Variants in FABP7 observed in about 807,000 individuals in gnomAD.
FABP7 encodes the protein fatty acid binding protein 7.
FABP7 carries 13 observed loss-of-function variants against 14.2 expected under a neutral mutation model. The ratio of observed to expected loss-of-function variants is 0.91; its 90% CI spans 0.59 to 1.45. The LOEUF (loss-of-function observed/expected upper bound fraction) is 1.45, where lower values mean the gene tolerates loss of function less well. FABP7 is among the 40% of genes most tolerant of loss of function. FABP7 has a pLI of 0.00. For missense variants in FABP7, 149 were observed against 157.6 expected, an observed-to-expected ratio of 0.95 and a Z score of 0.29; for synonymous variants, 49 against 51.4, an observed-to-expected ratio of 0.95 and a Z score of 0.20.
At chr6:122,753,659 G>A in the FABP7 span, among the ~76,000 whole-genome samples, 3 of 152,002 alleles carry the variant, frequency 2.0e-5, no homozygotes, top group African/African-American at 7.3e-5. Flanking sequence ...CAAAACGAAG[G>A]AATGAAGCAA....
chr6:122,780,141 AC>A, intron 1 of FABP7, 149 bp from the exon 2 acceptor site: 1 of 869,900 alleles, frequency 1.1e-6, no homozygotes, highest in South Asian at 1.6e-5. Context: ...ACTTATTATC[AC>A]AGTAGTGTTT....
chr6:122,758,100 T>C, the FABP7 span, among the ~76,000 whole-genome samples: 1 of 133,514 alleles, frequency 7.5e-6, no homozygotes, highest in Non-Finnish European at 1.6e-5. Flanking sequence ...AATTATATTA[T>C]CTAGCTTTTT....
chr6:122,767,527 C>G, the FABP7 span, among the ~76,000 whole-genome samples: 1 of 152,056 alleles, frequency 6.6e-6, no homozygotes, highest in Non-Finnish European at 1.5e-5. Context: ...AAATTATTAT[C>G]TACATATTCA....
chr6:122,762,141 A>G, the FABP7 span, among the ~76,000 whole-genome samples: 17 of 152,348 alleles, frequency 1.1e-4, no homozygotes, highest in African/African-American at 3.8e-4. Context: ...AAAATCCTCA[A>G]TAAAATACTG....
At chr6:122,773,079 G>A in the FABP7 span, among the ~76,000 whole-genome samples, 1 of 152,114 alleles carries the variant, frequency 6.6e-6, no homozygotes, top group African/African-American at 2.4e-5. Context: ...TTTATCAGAG[G>A]AATTCAGAAG....
At chr6:122,768,823 G>A in the FABP7 span, among the ~76,000 whole-genome samples, 4 of 151,980 alleles carry the variant, frequency 2.6e-5, no homozygotes, top group African/African-American at 9.7e-5. Context: ...CTGAGGTCAT[G>A]GATTAACAGG....
intron 3 of FABP7, chr6:122,782,348 C>T: frequency 2.0e-6 from 1 of 504,756 alleles, no homozygotes. Flanking sequence ...TGCGGGCCCC[C>T]TCCCTTGCTT....
Position 122,781,206 on chromosome 6 carries a change from CA to C in FABP7, c.348+14del. 1 of 1,613,426 alleles carries C rather than the reference CA, an allele frequency of 6.2e-7. No individual in the cohort carries two copies. Among genetic ancestry groups the C allele is most frequent in the Non-Finnish European group, 8.5e-7 (1 of 1,179,588 alleles). On this transcript the variant is annotated intron_variant, in intron 3 of 3. Coordinates refer to ENST00000368444, the MANE Select transcript of FABP7 (RefSeq NM_001446.5). ...GCAAAATGGTTATGGTAAGTAATGACAATTCTCCATTCTTCCTTGTTTTTTT... is the reference window on the plus strand; with the variant it reads ...GCAAAATGGTTATGGTAAGTAATGACATTCTCCATTCTTCCTTGTTTTTTT...
chr6:122,755,008 C>CTT, the FABP7 span, among the ~76,000 whole-genome samples: 47 of 148,564 alleles, frequency 3.2e-4, 1 homozygote, highest in Non-Finnish European at 5.2e-4. Context: ...CTAACAATCA[C>CTT]TTTTTTTTTT....
rs1301117374 is a variant in FABP7 at position 122,780,187 on chromosome 6, A to G, written c.74-104A>G. 12 of 1,213,350 alleles carry G rather than the reference A, an allele frequency of 9.9e-6. No homozygotes were observed. In the East Asian group the frequency reaches 2.9e-4, roughly 29 times the overall value. The allele number at this position is 1,213,350 out of a possible 1,614,324, so 75.2% of individuals were successfully genotyped here. Reference sequence around the variant, plus strand: ...AATGGGCTAATCATGTTCTAATGAAACTTACACTTTAGAACGTGGATTCCA... The same window carrying G: ...AATGGGCTAATCATGTTCTAATGAAGCTTACACTTTAGAACGTGGATTCCA... On this transcript the variant is annotated intron_variant, in intron 1 of 3. Coordinates refer to ENST00000368444, the MANE Select transcript of FABP7 (RefSeq NM_001446.5).
the FABP7 span, among the ~76,000 whole-genome samples, chr6:122,763,293 A>T: frequency 6.6e-6 from 1 of 152,188 alleles, no homozygotes; most frequent in Non-Finnish European, 1.5e-5. Context: ...TGGGGAAAGG[A>T]TTCCCTATTT....
the FABP7 span, among the ~76,000 whole-genome samples, chr6:122,753,533 A>G: frequency 1.3e-5 from 2 of 152,100 alleles, no homozygotes; most frequent in African/African-American, 2.4e-5. Flanking sequence ...TGTGGTGCAC[A>G]TATTTGTCAT....
chr6:122,758,989 G>T, the FABP7 span, among the ~76,000 whole-genome samples: 1 of 152,164 alleles, frequency 6.6e-6, no homozygotes, highest in East Asian at 1.9e-4. Flanking sequence ...GCTCTAAAGA[G>T]TTACTTAAAG....
chr6:122,762,043 G>A, the FABP7 span, among the ~76,000 whole-genome samples: 648 of 152,174 alleles, frequency 4.3e-3, 7 homozygotes, highest in South Asian at 8.1e-3. Flanking sequence ...CATTTTATGA[G>A]GCCAGCGTCA....
At chr6:122,776,603 T>C (rs1002522599), upstream of FABP7, among the ~76,000 whole-genome samples, 2 of 152,180 alleles carry the variant, frequency 1.3e-5, no homozygotes, top group African/African-American at 2.4e-5. Context: ...TAGCCTTTGA[T>C]ACCACAACAG....
At chr6:122,772,237 G>A in the FABP7 span, among the ~76,000 whole-genome samples, 2 of 151,946 alleles carry the variant, frequency 1.3e-5, no homozygotes, top group African/African-American at 2.4e-5. Context: ...GAAGGTCCTG[G>A]GACTTTTTAA....
the FABP7 span, among the ~76,000 whole-genome samples, chr6:122,774,639 A>G: frequency 6.6e-6 from 1 of 152,058 alleles, no homozygotes; most frequent in Non-Finnish European, 1.5e-5. Flanking sequence ...TCAACATGGT[A>G]TTGGAAGTCC....
upstream of FABP7, among the ~76,000 whole-genome samples, chr6:122,777,890 C>T (rs543416521): frequency 3.2e-3 from 257 of 79,754 alleles, 1 homozygote; most frequent in African/African-American, 7.9e-3. Flanking sequence ...TTTTTATGTG[C>T]ACTCCAAGTT....
the FABP7 span, among the ~76,000 whole-genome samples, chr6:122,755,819 A>G: frequency 6.6e-6 from 1 of 152,046 alleles, no homozygotes; most frequent in African/African-American, 2.4e-5. Context: ...GGGTCTGACC[A>G]GCAGACCCCA....
Sources: allele counts gnomAD v4.1 joint callset (sites outside exome capture counted in the v4.1 genomes callset), GRCh38; gene constraint gnomAD v4.1.1; transcripts MANE v1.5; gene names NCBI Gene and HGNC (gene_info 2026-07-23, HGNC 2026-07-21).